The following CCBE1 variants were observed in gnomAD, a reference collection of about 807,000 sequenced individuals.
The protein encoded by CCBE1 is collagen and calcium binding EGF domains 1.
Under a neutral mutation model 50.0 loss-of-function variants are expected in CCBE1, and 37 were observed. That is an observed-to-expected ratio of 0.74 (90% CI 0.57 to 0.97). The LOEUF (loss-of-function observed/expected upper bound fraction) is 0.97, where lower values mean the gene tolerates loss of function less well. Among genes scored for constraint, CCBE1 ranks in the 50% least tolerant of loss-of-function variants. The pLI, the probability that CCBE1 is intolerant of heterozygous loss-of-function variation, is 0.00. For synonymous variants in CCBE1, 234 were observed against 203.7 expected (o/e 1.15, Z -1.27); for missense variants, 538 against 523.8 (o/e 1.03, Z -0.26).
At chr18:59,696,855 G>C in intron 1 of CCBE1, 146 bp from the exon 2 acceptor site, 3 of 912,022 alleles carry the variant, frequency 3.3e-6, no homozygotes, top group Non-Finnish European at 5.2e-6. Context: ...ACGCGTACGC[G>C]GGGCAGACTC....
intron 2 of CCBE1, among the ~76,000 whole-genome samples, chr18:59,503,953 C>A (rs1460561614): frequency 6.6e-6 from 1 of 152,180 alleles, no homozygotes; most frequent in African/African-American, 2.4e-5. Context: ...CATTTGTTTA[C>A]GTGTTTGTCT....
rs892930573 is a variant in CCBE1, at chr18:59,479,854, T to C, written c.265+332A>G. On this transcript the variant is annotated intron_variant, in intron 3 of 10. Transcript: ENST00000439986. ...GTGAAAGGCAGGTAAAGAAAGCAGG[T>C]AGAGAGGTCAAGGGAGGAGGGTTGG... 7.5e-4 allele frequency among the ~76,000 whole-genome samples: 114 copies of C among 152,260 alleles called. 1 individual carries two copies. Among genetic ancestry groups the C allele is most frequent in the African/African-American group, 2.4e-3 (100 of 41,552 alleles).
intron 2 of CCBE1, among the ~76,000 whole-genome samples, chr18:59,535,095 C>A (rs563050151): frequency 6.6e-6 from 1 of 152,260 alleles, no homozygotes; most frequent in East Asian, 1.9e-4. Context: ...GTGAAAACTG[C>A]ACTAAAATGT....
chr18:59,605,833 G>C (rs185814971), intron 2 of CCBE1, among the ~76,000 whole-genome samples: 1 of 152,262 alleles, frequency 6.6e-6, no homozygotes, highest in African/African-American at 2.4e-5. Context: ...CGACTGCTAG[G>C]GGTGGCCTTG....
rs937774836 is a variant in CCBE1, at chr18:59,432,534, G to A, written c.*3374C>T. 1.3e-5 allele frequency: 2 copies of A among 152,084 alleles called. No individual in the cohort carries two copies. Among genetic ancestry groups the A allele is most frequent in the African/African-American group, 4.8e-5 (2 of 41,410 alleles). The allele number at this position is 152,084 out of a possible 1,614,324, so 9.4% of individuals were successfully genotyped here. ...TTCTATCTAGTTAAAAGATACATTA[G>A]AAATAATGATGCCTTATGATGTCCT... On this transcript the variant is annotated 3_prime_UTR_variant, in exon 11 of 11. Coordinates refer to ENST00000439986, the MANE Select transcript of CCBE1 (RefSeq NM_133459.4).
chr18:59,454,790 C>T lies in CCBE1; in HGVS notation c.654+61G>A, dbSNP rs933061908. The T allele has an allele frequency of 3.0e-6, 4 of 1,321,776 alleles. No individual in the cohort carries two copies. In the South Asian group the frequency reaches 4.7e-5, roughly 16 times the overall value. The allele number at this position is 1,321,776 out of a possible 1,614,324, so 81.9% of individuals were successfully genotyped here. On this transcript the variant is annotated intron_variant, in intron 6 of 10. Transcript: ENST00000439986. ...TTCTTATTTGTAAATATCCTTCCAC[C>T]TGGCCTTGGCCAAGCCCTCCTTCCA...
At chr18:59,460,997 T>G (rs1028891066) in intron 5 of CCBE1, among the ~76,000 whole-genome samples, 2 of 150,834 alleles carry the variant, frequency 1.3e-5, no homozygotes, top group African/African-American at 4.8e-5. Context: ...AAATGAGGTC[T>G]TCACATGGAA....
intron 2 of CCBE1, among the ~76,000 whole-genome samples, chr18:59,620,217 C>G (rs190615873): frequency 2.2e-4 from 34 of 152,308 alleles, no homozygotes; most frequent in Admixed American, 1.6e-3. Context: ...CCCTTCACCT[C>G]TGACCTCAGT....
intron 2 of CCBE1, among the ~76,000 whole-genome samples, chr18:59,495,967 A>G (rs1333360706): frequency 2.0e-5 from 3 of 151,986 alleles, no homozygotes; most frequent in Non-Finnish European, 4.4e-5. Flanking sequence ...TGTAGGGTAT[A>G]CTCTTTTAAA....
chr18:59,679,018 T>C (rs1227725295), intron 2 of CCBE1, among the ~76,000 whole-genome samples: 3 of 152,248 alleles, frequency 2.0e-5, no homozygotes, highest in Admixed American at 2.0e-4. Context: ...TAAATTTTCA[T>C]CTGATAAGAA....
At chr18:59,550,988 C>A (rs1915891965) in intron 2 of CCBE1, among the ~76,000 whole-genome samples, 1 of 92,532 alleles carries the variant, frequency 1.1e-5, no homozygotes, top group South Asian at 3.6e-4. Context: ...CTGGGCAACA[C>A]AGCGAGACTC....
intron 2 of CCBE1, among the ~76,000 whole-genome samples, chr18:59,624,830 C>G (rs1380012573): frequency 1.3e-5 from 2 of 152,250 alleles, no homozygotes; most frequent in African/African-American, 2.4e-5. Context: ...CTGTAACCAC[C>G]TGGGCTGTTT....
chr18:59,564,393 T>C (rs1000864193), intron 2 of CCBE1, among the ~76,000 whole-genome samples: 7 of 152,178 alleles, frequency 4.6e-5, no homozygotes, highest in African/African-American at 1.7e-4. Context: ...ATATAAACAC[T>C]GTGTTTTTAC....
At chr18:59,462,054 A>G (rs973645763) in intron 5 of CCBE1, among the ~76,000 whole-genome samples, 2 of 152,044 alleles carry the variant, frequency 1.3e-5, no homozygotes, top group East Asian at 3.9e-4. Flanking sequence ...ATCTTTTGCA[A>G]TGAGTTTTGA....
At chr18:59,544,704 A>G (rs1202262992) in intron 2 of CCBE1, among the ~76,000 whole-genome samples, 4 of 152,092 alleles carry the variant, frequency 2.6e-5, no homozygotes, top group African/African-American at 9.7e-5. Flanking sequence ...TGGATGACAA[A>G]GATTCATCTG....
chr18:59,451,989 A>ACC (rs905358937), intron 6 of CCBE1, among the ~76,000 whole-genome samples: 1 of 152,134 alleles, frequency 6.6e-6, no homozygotes, highest in African/African-American at 2.4e-5. Context: ...ATAATGTATT[A>ACC]CCCACCTGTG....
intron 4 of CCBE1, among the ~76,000 whole-genome samples, chr18:59,468,773 G>A (rs367684232): frequency 1.1e-4 from 16 of 151,980 alleles, no homozygotes; most frequent in African/African-American, 3.9e-4. Flanking sequence ...AGGCATTGGT[G>A]TAAATATGCA....
intron 2 of CCBE1, among the ~76,000 whole-genome samples, chr18:59,499,424 A>C (rs906755978): frequency 8.5e-5 from 13 of 152,180 alleles, no homozygotes; most frequent in African/African-American, 3.1e-4. Context: ...CATACCTGAG[A>C]CTAAGTAATT....
intron 2 of CCBE1, among the ~76,000 whole-genome samples, chr18:59,537,427 T>C (rs576484865): frequency 5.3e-4 from 80 of 152,282 alleles, no homozygotes; most frequent in African/African-American, 1.8e-3. Context: ...GTTTCCCCCA[T>C]ACTGTTCCCA....
Sources: gnomAD v4.1 joint callset for allele counts (sites outside exome capture counted in the v4.1 genomes callset) on GRCh38, gnomAD v4.1.1 for gene constraint, MANE v1.5 for transcripts, NCBI Gene and HGNC (gene_info 2026-07-23, HGNC 2026-07-21) for gene names.